RPL37: variants seen among roughly 807,000 people sequenced by gnomAD.
RPL37 encodes large ribosomal subunit protein eL37.
In RPL37, 1 loss-of-function variant was observed where a neutral mutation model predicts 14.8. The observed-to-expected ratio is 0.07, with a 90% confidence interval of 0.02 to 0.32. RPL37 has a LOEUF of 0.32. RPL37 is among the 10% of genes least tolerant of loss of function. The pLI, the probability that RPL37 is intolerant of heterozygous loss-of-function variation, is 1.00. For synonymous variants in RPL37, 53 were observed against 45.8 expected, an observed-to-expected ratio of 1.16 and a Z score of -0.63; for missense variants, 100 against 128.3, an observed-to-expected ratio of 0.78 and a Z score of 1.06.
intron 3 of RPL37, 102 bp from the exon 4 acceptor site, chr5:40,832,675 C>CAGTAT: frequency 2.3e-6 from 2 of 871,716 alleles, no homozygotes; most frequent in Non-Finnish European, 4.0e-6. Flanking sequence ...CAGTTAAATG[C>CAGTAT]TGAAATCAAT....
chr5:40,828,574 T>C lies in RPL37; in HGVS notation c.*3930A>G, dbSNP rs553451053. On this transcript the variant is annotated 3_prime_UTR_variant, in exon 4 of 4. Coordinates refer to ENST00000274242, the MANE Select transcript of RPL37 (RefSeq NM_000997.5). ...CTCACTGCCCAATCTCGTGACCTCT[T>C]GGCAAACTGGTTTTTCTTTGCTGCT... 6 of 152,352 alleles carry C rather than the reference T, an allele frequency of 3.9e-5. No individual in the cohort carries two copies. The highest frequency in any genetic ancestry group is 1.4e-4 in the African/African-American group (6 of 41,590). 9.4% of individuals were successfully genotyped at this position (152,352 alleles called of 1,614,324 possible).
rs945049742 is a variant in RPL37 at position 40,829,702 on chromosome 5, C to T, written c.*2802G>A. 4.7e-5 allele frequency: 7 copies of T among 147,612 alleles called. No individual in the cohort carries two copies. The highest frequency in any genetic ancestry group is 1.5e-4 in the African/African-American group (6 of 40,220). The allele number at this position is 147,612 out of a possible 1,614,324, so 9.1% of individuals were successfully genotyped here. A position where few individuals can be genotyped will look rare whatever the true frequency, so the allele number is the denominator to read the frequency against. Reference sequence around the variant, plus strand: ...GTATATATATATATATATATATCAACAATATATAATTGTGTCTCAATTAGA... The same window carrying T: ...GTATATATATATATATATATATCAATAATATATAATTGTGTCTCAATTAGA... On this transcript the variant is annotated 3_prime_UTR_variant, in exon 4 of 4. Transcript: ENST00000274242.
Position 40,831,143 on chromosome 5 carries a change from G to A in RPL37, c.*1361C>T, listed in dbSNP as rs1393773334. ...CTACAAAAAACACAAAAATTAGCCAGGTGTGGTGGTGTGCATCTGTAGTCC... is the reference window on the plus strand; with the variant it reads ...CTACAAAAAACACAAAAATTAGCCAAGTGTGGTGGTGTGCATCTGTAGTCC... On this transcript the variant is annotated 3_prime_UTR_variant, in exon 4 of 4. Coordinates refer to ENST00000274242, the MANE Select transcript of RPL37 (RefSeq NM_000997.5). 6.6e-6 allele frequency: 1 copy of A among 152,194 alleles called. No individual in the cohort carries two copies. Among genetic ancestry groups the A allele is most frequent in the Non-Finnish European group, 1.5e-5 (1 of 68,072 alleles). 9.4% of individuals were successfully genotyped at this position (152,194 alleles called of 1,614,324 possible).
rs137869554 is a variant in RPL37 at position 40,835,028 on chromosome 5, G to A, written c.3+155C>T. 1.1e-4 allele frequency: 105 copies of A among 965,022 alleles called. 1 individual carries two copies. In the African/African-American group the frequency reaches 1.2e-3, roughly 11 times the overall value. 59.8% of individuals were successfully genotyped at this position (965,022 alleles called of 1,614,324 possible). A position where few individuals can be genotyped will look rare whatever the true frequency, so the allele number is the denominator to read the frequency against. On this transcript the variant is annotated intron_variant, in intron 1 of 3. Coordinates refer to ENST00000274242, the MANE Select transcript of RPL37 (RefSeq NM_000997.5). ...TAGGTCCCCCAGGCACCAGTTAGCA[G>A]TCATTCTTCTGGCTCTTGAGGGCCA...
Position 40,826,165 on chromosome 5 carries a change from C to T in RPL37, c.*6339G>A, listed in dbSNP as rs1478346083. On this transcript the variant is annotated 3_prime_UTR_variant, in exon 4 of 4. Coordinates refer to ENST00000274242, the MANE Select transcript of RPL37 (RefSeq NM_000997.5). ...CCTCAGGAGTTCAAATAATTTTAAT[C>T]ATTTTTAAGGCAAAGAAAATACTTT... is the stretch of plus-strand genomic sequence containing the variant. The T allele has an allele frequency of 6.6e-6, 1 of 152,166 alleles. No homozygotes were observed. Among genetic ancestry groups the T allele is most frequent in the Admixed American group, 6.5e-5 (1 of 15,284 alleles). The allele number at this position is 152,166 out of a possible 1,614,324, so 9.4% of individuals were successfully genotyped here. A position where few individuals can be genotyped will look rare whatever the true frequency, so the allele number is the denominator to read the frequency against.
In RPL37 at chr5:40,825,535, C is replaced by G. The variant is rs1471383260; in HGVS notation, c.*6969G>C. On this transcript the variant is annotated 3_prime_UTR_variant, in exon 4 of 4. Transcript: ENST00000274242. ...GCTTCTGGCTTCTTATCTCTCCTCT[C>G]TTGGGGAGCTGCTGCTTCTCTGTAG... 3 of 152,268 alleles carry G rather than the reference C, an allele frequency of 2.0e-5. No homozygotes were observed. Among genetic ancestry groups the G allele is most frequent in the African/African-American group, 7.2e-5 (3 of 41,452 alleles). 9.4% of individuals were successfully genotyped at this position (152,268 alleles called of 1,614,324 possible).
chr5:40,829,153 GCA>G lies in RPL37; in HGVS notation c.*3349_*3350del, dbSNP rs1312944595. On this transcript the variant is annotated 3_prime_UTR_variant, in exon 4 of 4. Coordinates refer to ENST00000274242, the MANE Select transcript of RPL37 (RefSeq NM_000997.5). ...AAGCTTGGAAGTTAGCTACTCACTT[GCA>G]CATTCAAGTTTTAGATGTTTTCTGT... The G allele has an allele frequency of 1.3e-5, 2 of 152,130 alleles. No homozygotes were observed. Among genetic ancestry groups the G allele is most frequent in the African/African-American group, 4.8e-5 (2 of 41,438 alleles). The allele number at this position is 152,130 out of a possible 1,614,324, so 9.4% of individuals were successfully genotyped here.
intron 3 of RPL37, 107 bp from the exon 4 acceptor site, chr5:40,832,680 A>G (rs764870997): frequency 2.4e-6 from 2 of 826,678 alleles, no homozygotes; most frequent in African/African-American, 3.3e-5. Context: ...AAATGCTGAA[A>G]TCAATACTGC....
intron 1 of RPL37, chr5:40,834,975 C>T (rs1745733434): frequency 1.5e-6 from 1 of 679,208 alleles, no homozygotes; most frequent in Non-Finnish European, 2.5e-6. Context: ...GGACACAATG[C>T]GGCTCTAGCA....
chr5:40,833,622 G>A (rs1335167743), intron 3 of RPL37, among the ~76,000 whole-genome samples: 3 of 152,170 alleles, frequency 2.0e-5, no homozygotes, highest in Non-Finnish European at 4.4e-5. Context: ...AACCAAGCCT[G>A]ACTCCAGACC....
In RPL37 at chr5:40,834,482, C is replaced by A. The variant is rs1385486837; in HGVS notation, c.128G>T (p.Arg43Leu). ...AAAATGTTACTTACACTTTCTCTTG[C>A]GCTTGGCAGGGTAGCCACATTTGCC... ...TCGKCGYPAK[R>L]KRKYNWSAKA... is the part of the protein sequence containing the mutation. Residue 43 changes from arginine (R) to leucine (L), a missense_variant, in exon 2 of 4, where the codon CGC becomes CTC. Around this residue, in one of 2 missense-constraint regions of RPL37, gnomAD observed 74 missense variants for 69.9 expected, o/e 1.06. Coordinates refer to ENST00000274242, the MANE Select transcript of RPL37 (RefSeq NM_000997.5). 3.7e-6 allele frequency: 6 copies of A among 1,612,684 alleles called. No homozygotes were observed. The highest frequency in any genetic ancestry group is 2.5e-6 in the Non-Finnish European group (3 of 1,179,734).
Position 40,830,181 on chromosome 5 carries a change from C to T in RPL37, c.*2323G>A, listed in dbSNP as rs560730175. On this transcript the variant is annotated 3_prime_UTR_variant, in exon 4 of 4. Coordinates refer to ENST00000274242, the MANE Select transcript of RPL37 (RefSeq NM_000997.5). The stretch of plus-strand genomic sequence containing the variant: ...GGGTACTTAGGAAAAATAAATTTAA[C>T]ATTTTTGCACACCAACATATAACAC... 4.3e-4 allele frequency: 66 copies of T among 151,890 alleles called. No homozygotes were observed. Among genetic ancestry groups the T allele is most frequent in the African/African-American group, 1.6e-3 (65 of 41,532 alleles). The allele number at this position is 151,890 out of a possible 1,614,324, so 9.4% of individuals were successfully genotyped here.
rs1745635903 is a variant in RPL37, at chr5:40,831,302, A to G, written c.*1202T>C. The stretch of plus-strand genomic sequence containing the variant: ...AATGGCAATTGGACTCTAACCATAC[A>G]TCTTTAAAGTATAGTCTCACATTTC... On this transcript the variant is annotated 3_prime_UTR_variant, in exon 4 of 4. Transcript: ENST00000274242. 1 of 152,372 alleles carries G rather than the reference A, an allele frequency of 6.6e-6. No individual in the cohort carries two copies. The highest frequency in any genetic ancestry group is 1.5e-5 in the Non-Finnish European group (1 of 68,040). 9.4% of individuals were successfully genotyped at this position (152,372 alleles called of 1,614,324 possible).
In RPL37 at chr5:40,829,972, G is replaced by A. The variant is rs574230981; in HGVS notation, c.*2532C>T. On this transcript the variant is annotated 3_prime_UTR_variant, in exon 4 of 4. Coordinates refer to ENST00000274242, the MANE Select transcript of RPL37 (RefSeq NM_000997.5). ...CTATAGGACGTGAGCTACCGTACCC[G>A]GCCGCCACAGATTCAACCTTTCTAT... 4.6e-5 allele frequency: 7 copies of A among 152,098 alleles called. No homozygotes were observed. Among genetic ancestry groups the A allele is most frequent in the South Asian group, 2.1e-4 (1 of 4,818 alleles). The allele number at this position is 152,098 out of a possible 1,614,324, so 9.4% of individuals were successfully genotyped here. A position where few individuals can be genotyped will look rare whatever the true frequency, so the allele number is the denominator to read the frequency against.
rs1359235927 is a variant in RPL37 at position 40,829,171 on chromosome 5, T to C, written c.*3333A>G. 1 of 152,218 alleles carries C rather than the reference T, an allele frequency of 6.6e-6. No individual in the cohort carries two copies. The highest frequency in any genetic ancestry group is 1.5e-5 in the Non-Finnish European group (1 of 68,036). 9.4% of individuals were successfully genotyped at this position (152,218 alleles called of 1,614,324 possible). A position where few individuals can be genotyped will look rare whatever the true frequency, so the allele number is the denominator to read the frequency against. The stretch of plus-strand genomic sequence containing the variant: ...CTCACTTGCACATTCAAGTTTTAGA[T>C]GTTTTCTGTAGAGAACTCCCGGACA... On this transcript the variant is annotated 3_prime_UTR_variant, in exon 4 of 4. Transcript: ENST00000274242.
chr5:40,831,685 C>T lies in RPL37; in HGVS notation c.*819G>A, dbSNP rs1179376130. ...CATTTTAAAAAAACAAAAAAAACCCCCAACCCTGTCAATAAACCACGAAAA... is the reference window on the plus strand; with the variant it reads ...CATTTTAAAAAAACAAAAAAAACCCTCAACCCTGTCAATAAACCACGAAAA... On this transcript the variant is annotated 3_prime_UTR_variant, in exon 4 of 4. Coordinates refer to ENST00000274242, the MANE Select transcript of RPL37 (RefSeq NM_000997.5). 3 of 152,252 alleles carry T rather than the reference C, an allele frequency of 2.0e-5. No homozygotes were observed. Among genetic ancestry groups the T allele is most frequent in the Admixed American group, 1.3e-4 (2 of 15,268 alleles). 9.4% of individuals were successfully genotyped at this position (152,252 alleles called of 1,614,324 possible).
Position 40,827,633 on chromosome 5 carries a change from CAT to C in RPL37, c.*4869_*4870del, listed in dbSNP as rs1745546764. 6.6e-6 allele frequency: 1 copy of C among 152,158 alleles called. No homozygotes were observed. Among genetic ancestry groups the C allele is most frequent in the Non-Finnish European group, 1.5e-5 (1 of 68,032 alleles). 9.4% of individuals were successfully genotyped at this position (152,158 alleles called of 1,614,324 possible). On this transcript the variant is annotated 3_prime_UTR_variant, in exon 4 of 4. Coordinates refer to ENST00000274242, the MANE Select transcript of RPL37 (RefSeq NM_000997.5). ...CAATCCACACACGATGCTTATTCTA[CAT>C]ACTCGTGTACATGAGAACCATTTTT...
intron 1 of RPL37, 70 bp downstream of exon 1, chr5:40,835,113 G>A: frequency 1.2e-6 from 2 of 1,605,538 alleles, no homozygotes; most frequent in Non-Finnish European, 1.7e-6. Flanking sequence ...AGCCCCCCAA[G>A]CACAGCAAAC....
chr5:40,826,951 GTATTT>G lies in RPL37; in HGVS notation c.*5548_*5552del, dbSNP rs1328882450. On this transcript the variant is annotated 3_prime_UTR_variant, in exon 4 of 4. Transcript: ENST00000274242. ...TACCACCATGCCTGGCTAATTTTTT[GTATTT>G]TTAATGGAGAAGAGGTTTCACCAGG... The G allele has an allele frequency of 3.3e-5, 5 of 152,090 alleles. No homozygotes were observed. The highest frequency in any genetic ancestry group is 2.6e-4 in the Admixed American group (4 of 15,256). 9.4% of individuals were successfully genotyped at this position (152,090 alleles called of 1,614,324 possible). A position where few individuals can be genotyped will look rare whatever the true frequency, so the allele number is the denominator to read the frequency against.
Sources: allele counts gnomAD v4.1 joint callset (sites outside exome capture counted in the v4.1 genomes callset), GRCh38; gene constraint gnomAD v4.1.1; regional missense constraint gnomAD v4.1.1; transcripts MANE v1.5; gene names NCBI Gene and HGNC (gene_info 2026-07-23, HGNC 2026-07-21).